Variants in FLI1 observed in about 807,000 individuals in gnomAD.
FLI1 encodes the protein Friend leukemia integration 1 transcription factor.
In FLI1, 13 loss-of-function variants were observed where a neutral mutation model predicts 53.1. That is an observed-to-expected ratio of 0.24 (90% CI 0.16 to 0.39). The LOEUF (loss-of-function observed/expected upper bound fraction) is 0.39. Ranked by LOEUF, FLI1 falls within the 10% of genes least tolerant of loss-of-function variation. The pLI is 1.00. For synonymous variants in FLI1, 244 were observed against 236.7 expected (o/e 1.03, Z -0.28); for missense variants, 424 against 600.5 (o/e 0.71, Z 3.07).
chr11:128,757,050 T>C (rs11221459), intron 1 of FLI1, among the ~76,000 whole-genome samples: 228 of 91,284 alleles, frequency 2.5e-3, no homozygotes, highest in African/African-American at 0.011. Flanking sequence ...AATTTTTTCT[T>C]TCTTTCTTTC....
intron 2 of FLI1, among the ~76,000 whole-genome samples, chr11:128,767,894 G>T (rs1941403122): frequency 6.6e-6 from 1 of 152,228 alleles, no homozygotes; most frequent in South Asian, 2.1e-4. Context: ...GGCGCTGCCA[G>T]CAGTTTTTAC....
chr11:128,691,626 A>G (rs1937742897), upstream of FLI1: 1 of 152,232 alleles, frequency 6.6e-6, no homozygotes, highest in Non-Finnish European at 1.5e-5. Context: ...AAACCATGAA[A>G]TTGCCGTAGC....
At chr11:128,734,715 T>G (rs1293582752) in intron 1 of FLI1, among the ~76,000 whole-genome samples, 1 of 152,100 alleles carries the variant, frequency 6.6e-6, no homozygotes, top group African/African-American at 2.4e-5. Flanking sequence ...AGTGTGCAGT[T>G]TTAAAATGTC....
At chr11:128,738,876 G>C (rs1940013369) in intron 1 of FLI1, among the ~76,000 whole-genome samples, 1 of 152,192 alleles carries the variant, frequency 6.6e-6, no homozygotes, top group African/African-American at 2.4e-5. Context: ...CTGCTCTGGA[G>C]TCTCTTGTAT....
intron 5 of FLI1, among the ~76,000 whole-genome samples, chr11:128,799,161 TG>T (rs1156308185): frequency 6.6e-6 from 1 of 151,852 alleles, no homozygotes; most frequent in Non-Finnish European, 1.5e-5. Context: ...CCTCCCACCT[TG>T]GCCTCCCAAA....
chr11:128,739,133 G>A (rs1234862923), intron 1 of FLI1, among the ~76,000 whole-genome samples: 1 of 152,072 alleles, frequency 6.6e-6, no homozygotes, highest in African/African-American at 2.4e-5. Context: ...AAAGGCTGAG[G>A]GAGATCTCTT....
upstream of FLI1, among the ~76,000 whole-genome samples, chr11:128,691,439 G>A (rs1321553895): frequency 6.6e-6 from 1 of 152,168 alleles, no homozygotes; most frequent in Non-Finnish European, 1.5e-5. Context: ...GTTAGGTGGG[G>A]TCTTCTTTCT....
At chr11:128,686,446 C>T (rs906697159), upstream of FLI1, 1 of 456,168 alleles carries the variant, frequency 2.2e-6, no homozygotes, top group Non-Finnish European at 4.4e-6. Context: ...AGCCCGGGGA[C>T]GGGACTGAGG....
chr11:128,810,771 A>G lies in FLI1; in HGVS notation c.1142A>G (p.Tyr381Cys). Reference protein sequence around the residue: ...PHPTESSMYKYPSDISYMPSY... With the variant: ...PHPTESSMYKCPSDISYMPSY... ...CCGACCGAGTCGTCCATGTACAAGTACCCTTCTGACATCTCCTACATGCCT... is the reference window on the plus strand; with the variant it reads ...CCGACCGAGTCGTCCATGTACAAGTGCCCTTCTGACATCTCCTACATGCCT... Residue 381 changes from tyrosine to cysteine, a missense_variant, in exon 9 of 9, where the codon TAC (tyrosine) becomes TGC (cysteine). By Grantham distance (194) the Tyr-to-Cys change is radical. Coordinates refer to ENST00000527786, the MANE Select transcript of FLI1 (RefSeq NM_002017.5). This position sits in a 1 kb window ranked among gnomAD's most constrained non-coding sequence, Gnocchi z 6.6. 1.2e-6 allele frequency: 2 copies of G among 1,614,012 alleles called. No individual in the cohort carries two copies. Among genetic ancestry groups the G allele is most frequent in the Non-Finnish European group, 1.7e-6 (2 of 1,179,874 alleles).
chr11:128,797,340 T>C (rs1219583922), intron 5 of FLI1, among the ~76,000 whole-genome samples: 1 of 152,216 alleles, frequency 6.6e-6, no homozygotes, highest in African/African-American at 2.4e-5. Context: ...GCAACTCTCA[T>C]GCATAAAAAA....
chr11:128,774,180 C>T (rs999510883), intron 4 of FLI1, among the ~76,000 whole-genome samples: 9 of 152,172 alleles, frequency 5.9e-5, no homozygotes, highest in Non-Finnish European at 1.3e-4. Flanking sequence ...GCAACACGTG[C>T]TGGCTGGAGA....
intron 1 of FLI1, among the ~76,000 whole-genome samples, chr11:128,754,704 T>C (rs1940794421): frequency 6.6e-6 from 1 of 152,150 alleles, no homozygotes; most frequent in African/African-American, 2.4e-5. Context: ...TATTCACAAC[T>C]TGCAAGGGAG....
At chr11:128,691,280 C>T (rs771519153), upstream of FLI1, among the ~76,000 whole-genome samples, 4 of 152,190 alleles carry the variant, frequency 2.6e-5, no homozygotes, top group Non-Finnish European at 4.4e-5. Context: ...AGGGCGCTTC[C>T]CCCATCCCCT....
intron 1 of FLI1, among the ~76,000 whole-genome samples, chr11:128,722,932 C>T (rs658565): frequency 0.15 from 22,885 of 152,086 alleles, 2,024 homozygotes; most frequent in East Asian, 0.32. Context: ...GGTGGCTCAT[C>T]AACAGTGAAT....
intron 5 of FLI1, among the ~76,000 whole-genome samples, chr11:128,801,371 G>A (rs896364336): frequency 1.3e-5 from 2 of 152,186 alleles, no homozygotes; most frequent in Admixed American, 1.3e-4. Context: ...GTGTATGTTG[G>A]GGACTAGAGA....
At chr11:128,775,534 C>CT (rs779934072) in intron 4 of FLI1, among the ~76,000 whole-genome samples, 17 of 152,174 alleles carry the variant, frequency 1.1e-4, no homozygotes, top group Non-Finnish European at 2.5e-4. Context: ...TGGCTGGCTG[C>CT]TAAGCGCCTG....
At chr11:128,727,396 CT>C (rs1413519131) in intron 1 of FLI1, among the ~76,000 whole-genome samples, 4 of 152,158 alleles carry the variant, frequency 2.6e-5, no homozygotes, top group Non-Finnish European at 5.9e-5. Flanking sequence ...TAGCAAGCCA[CT>C]TTAAGTCCTC....
chr11:128,784,987 T>A (rs1194619620), intron 5 of FLI1, among the ~76,000 whole-genome samples: 1 of 152,230 alleles, frequency 6.6e-6, no homozygotes, highest in African/African-American at 2.4e-5. Context: ...AAAGCACTTA[T>A]CAAATTAGAA....
At chr11:128,801,875 G>T (rs1226043750) in intron 5 of FLI1, among the ~76,000 whole-genome samples, 1 of 152,200 alleles carries the variant, frequency 6.6e-6, no homozygotes, top group Non-Finnish European at 1.5e-5. Context: ...TGATGTTCAG[G>T]AGGGAGGGGG....
Sources: allele counts gnomAD v4.1 joint callset (sites outside exome capture counted in the v4.1 genomes callset), GRCh38; gene constraint gnomAD v4.1.1; non-coding constraint Gnocchi (gnomAD v3.1); transcripts MANE v1.5; gene names NCBI Gene and HGNC (gene_info 2026-07-23, HGNC 2026-07-21).